MOB3B: variants seen among roughly 807,000 people sequenced by gnomAD.
MOB3B encodes the protein MOB kinase activator-like 2B.
A neutral mutation model predicts 18.7 loss-of-function variants in MOB3B; 7 were observed. The ratio of observed to expected loss-of-function variants is 0.37; its 90% CI spans 0.21 to 0.70. MOB3B has a LOEUF of 0.70. Ranked by LOEUF, MOB3B falls within the 30% of genes least tolerant of loss-of-function variation. MOB3B has a pLI of 0.52. For synonymous variants in MOB3B, 111 were observed against 99.9 expected (o/e 1.11, Z -0.66); for missense variants, 253 against 281.3 (o/e 0.90, Z 0.72).
intron 2 of MOB3B, among the ~76,000 whole-genome samples, chr9:27,380,397 C>T (rs1821559420): frequency 6.6e-6 from 1 of 151,764 alleles, no homozygotes; most frequent in Non-Finnish European, 1.5e-5. Context: ...CGCCATGACA[C>T]CCAGCTAATT....
chr9:27,443,732 G>A (rs1467066567), intron 2 of MOB3B, among the ~76,000 whole-genome samples: 2 of 152,122 alleles, frequency 1.3e-5, no homozygotes, highest in South Asian at 2.1e-4. Context: ...CTGATTTCAA[G>A]ACTCACCATC....
At chr9:27,522,051 G>A (rs1325052725) in intron 1 of MOB3B, among the ~76,000 whole-genome samples, 3 of 151,580 alleles carry the variant, frequency 2.0e-5, no homozygotes, top group Non-Finnish European at 4.4e-5. Flanking sequence ...GACCGTCGTC[G>A]CCAACATGGT....
chr9:27,404,352 T>C (rs1821935123), intron 2 of MOB3B, among the ~76,000 whole-genome samples: 1 of 120,468 alleles, frequency 8.3e-6, no homozygotes, highest in Non-Finnish European at 1.7e-5. Context: ...TCTTTCTTTT[T>C]TTTTTTTTTT....
intron 1 of MOB3B, among the ~76,000 whole-genome samples, chr9:27,478,442 A>C (rs1819594083): frequency 6.6e-6 from 1 of 152,164 alleles, no homozygotes; most frequent in South Asian, 2.1e-4. Context: ...TAATAAAAGA[A>C]CCATCCTTTA....
At chr9:27,407,137 C>G (rs1587188793) in intron 2 of MOB3B, among the ~76,000 whole-genome samples, 1 of 152,090 alleles carries the variant, frequency 6.6e-6, no homozygotes, top group African/African-American at 2.4e-5. Flanking sequence ...ACGCCCGGCC[C>G]AAAGATTTCT....
intron 3 of MOB3B, among the ~76,000 whole-genome samples, chr9:27,346,894 T>A (rs1374919169): frequency 1.3e-5 from 2 of 151,736 alleles, no homozygotes; most frequent in African/African-American, 4.8e-5. Flanking sequence ...TACTCGGGAG[T>A]CTGAGGTGGG....
At chr9:27,492,264 A>G (rs929889418) in intron 1 of MOB3B, among the ~76,000 whole-genome samples, 1 of 152,202 alleles carries the variant, frequency 6.6e-6, no homozygotes, top group Admixed American at 6.5e-5. Flanking sequence ...ATATATCTGC[A>G]TAAGGTTCAC....
intron 2 of MOB3B, among the ~76,000 whole-genome samples, chr9:27,444,770 T>C (rs1822665170): frequency 6.6e-6 from 1 of 152,066 alleles, no homozygotes; most frequent in African/African-American, 2.4e-5. Context: ...CATTTGAAAA[T>C]AGGGATAATA....
intron 2 of MOB3B, among the ~76,000 whole-genome samples, chr9:27,406,297 G>A (rs1402698032): frequency 6.6e-6 from 1 of 152,052 alleles, no homozygotes; most frequent in African/African-American, 2.4e-5. Context: ...ACCTGAAAAA[G>A]AAACCAAGAA....
chr9:27,405,434 G>A (rs1563860641), intron 2 of MOB3B, among the ~76,000 whole-genome samples: 1 of 151,912 alleles, frequency 6.6e-6, no homozygotes, highest in Non-Finnish European at 1.5e-5. Context: ...GATTATTTAG[G>A]TTTTTAAAAT....
At chr9:27,527,444 T>C (rs1274481980) in intron 1 of MOB3B, among the ~76,000 whole-genome samples, 1 of 152,262 alleles carries the variant, frequency 6.6e-6, no homozygotes, top group Non-Finnish European at 1.5e-5. Flanking sequence ...AAGTGCTCTA[T>C]GTGTCGCATT....
intron 2 of MOB3B, among the ~76,000 whole-genome samples, chr9:27,452,716 G>C (rs1301367454): frequency 6.6e-6 from 1 of 152,180 alleles, no homozygotes; most frequent in African/African-American, 2.4e-5. Context: ...TGTCATTTGT[G>C]ACATGAATGA....
chr9:27,351,933 T>A lies in MOB3B; in HGVS notation c.621+7101A>T, dbSNP rs181358340. Among the ~76,000 whole-genome samples, 104 of 152,272 alleles carry A rather than the reference T, an allele frequency of 6.8e-4. 1 individual carries two copies. The highest frequency in any genetic ancestry group is 1.2e-3 in the Non-Finnish European group (83 of 68,010). ...AAAGCACCCGTTTTTAGAGGATAGT[T>A]TTGGTGGTAGAGCCTACCATAAATC... On this transcript the variant is annotated intron_variant, in intron 3 of 3. Transcript: ENST00000262244.
intron 3 of MOB3B, among the ~76,000 whole-genome samples, chr9:27,334,669 A>C (rs923954034): frequency 2.0e-5 from 3 of 152,228 alleles, no homozygotes; most frequent in Non-Finnish European, 4.4e-5. Flanking sequence ...TATAACTGGT[A>C]GTCAGTGGAG....
Position 27,464,226 on chromosome 9 carries a change from G to A in MOB3B, c.-198-8478C>T, listed in dbSNP as rs577820138. On this transcript the variant is annotated intron_variant, in intron 1 of 3. Coordinates refer to ENST00000262244, the MANE Select transcript of MOB3B (RefSeq NM_024761.5). The stretch of plus-strand genomic sequence containing the variant: ...AATAGGCAGGAGGTGGTAGGGGTGG[G>A]GGGCACGGTGGCAATGGAAGCCCTG... 2.0e-5 allele frequency among the ~76,000 whole-genome samples: 3 copies of A among 152,224 alleles called. No individual in the cohort carries two copies. In the South Asian group the frequency reaches 6.2e-4, roughly 32 times the overall value.
intron 2 of MOB3B, among the ~76,000 whole-genome samples, chr9:27,419,994 G>A (rs1164503627): frequency 1.3e-5 from 2 of 151,976 alleles, no homozygotes; most frequent in Non-Finnish European, 2.9e-5. Flanking sequence ...AGTGGGCTAA[G>A]CACATGAATA....
intron 1 of MOB3B, among the ~76,000 whole-genome samples, chr9:27,472,376 T>C (rs1587240257): frequency 6.6e-6 from 1 of 152,234 alleles, no homozygotes; most frequent in Non-Finnish European, 1.5e-5. Context: ...AAACAACATC[T>C]GCCACAGGCG....
rs1820720662 is a variant in MOB3B, at chr9:27,326,920, C to T, written c.*3667G>A. The T allele has an allele frequency of 5.0e-6, 1 of 199,132 alleles. No individual in the cohort carries two copies. Among genetic ancestry groups the T allele is most frequent in the Admixed American group, 6.0e-5 (1 of 16,674 alleles). The allele number at this position is 199,132 out of a possible 1,614,324, so 12.3% of individuals were successfully genotyped here. On this transcript the variant is annotated 3_prime_UTR_variant, in exon 4 of 4. Transcript: ENST00000262244. ...CTCACTGTACTATCTAAGAGTTTTC[C>T]CAAAAAAACCATCTGACAATTAGGG...
At chr9:27,489,741 C>CTTTTTTGTTTTTTTTTTT (rs1819785802) in intron 1 of MOB3B, among the ~76,000 whole-genome samples, 1 of 73,118 alleles carries the variant, frequency 1.4e-5, no homozygotes, top group African/African-American at 4.5e-5. Context: ...AGGAAATAAT[C>CTTTTTTGTTTTTTTTTTT]TTTTTTTTTT....
Sources: allele counts gnomAD v4.1 joint callset (sites outside exome capture counted in the v4.1 genomes callset), GRCh38; gene constraint gnomAD v4.1.1; transcripts MANE v1.5; gene names NCBI Gene and HGNC (gene_info 2026-07-23, HGNC 2026-07-21).